POM121: variants seen among roughly 807,000 people sequenced by gnomAD.
POM121 encodes the protein nuclear envelope pore membrane protein POM 121.
In POM121, 32 loss-of-function variants were observed where a neutral mutation model predicts 81.3. The observed-to-expected ratio is 0.39, with a 90% CI of 0.30 to 0.53. The LOEUF (loss-of-function observed/expected upper bound fraction) is 0.53. Among genes scored for constraint, POM121 ranks in the 20% least tolerant of loss-of-function variants. The pLI, the probability that POM121 is intolerant of heterozygous loss-of-function variation, is 0.66. For synonymous variants in POM121, 514 were observed against 694.2 expected (o/e 0.74, Z 4.08); for missense variants, 1,138 against 1,614.6 (o/e 0.70, Z 5.06).
rs1563154370 is a variant in POM121 at position 72,925,400 on chromosome 7, C to G, written c.279C>G (p.Ser93=). Residue 93 remains serine (S), a synonymous_variant, in exon 1 of 13, where the codon TCC becomes TCG. Coordinates refer to ENST00000434423, the MANE Select transcript of POM121 (RefSeq NM_001387691.1). ...AGGCGCGTCATCGGCGCCCCTTGTCCTCCTTCGTTCGGAAGGCGCGTCATC... is the reference window on the plus strand; with the variant it reads ...AGGCGCGTCATCGGCGCCCCTTGTCGTCCTTCGTTCGGAAGGCGCGTCATC... ...VRKARHRRPL[S]SFVRKARHRR... 2 of 1,533,858 alleles carry G rather than the reference C, an allele frequency of 1.3e-6. No homozygotes were observed. Among genetic ancestry groups the G allele is most frequent in the Non-Finnish European group, 8.7e-7 (1 of 1,146,560 alleles).
At chr7:72,919,313 G>C (rs1388399208) in intron 4 of POM121, among the ~76,000 whole-genome samples, 1 of 150,508 alleles carries the variant, frequency 6.6e-6, no homozygotes, top group Non-Finnish European at 1.5e-5. Context: ...ATTTTAAAGA[G>C]ATTTAAAAAG....
At chr7:72,945,440 C>T (rs1313850310) in intron 11 of POM121, 146 bp from the exon 12 acceptor site, 2 of 704,864 alleles carry the variant, frequency 2.8e-6, no homozygotes, top group African/African-American at 1.8e-5. Context: ...TTGTCTGGCT[C>T]AGCTGCTGAT....
At chr7:72,916,215 T>C (rs1464855304) in intron 4 of POM121, among the ~76,000 whole-genome samples, 1 of 152,240 alleles carries the variant, frequency 6.6e-6, no homozygotes, top group Admixed American at 6.5e-5. Flanking sequence ...TTGCAATTGC[T>C]TTTGGTGTTT....
intron 5 of POM121, 23 bp downstream of exon 5, chr7:72,930,134 G>A (rs1795869961): frequency 6.3e-7 from 1 of 1,583,628 alleles, no homozygotes; most frequent in East Asian, 2.3e-5. Flanking sequence ...CTCTTTTAAT[G>A]TGGGGGACAT....
At chr7:72,898,979 C>CTTTTTTTTTTTTTTTTTTTTTTTT (rs1176371162) in intron 3 of POM121, among the ~76,000 whole-genome samples, 1 of 34,096 alleles carries the variant, frequency 2.9e-5, no homozygotes, top group Non-Finnish European at 4.9e-5. Flanking sequence ...CTTTTCTTTT[C>CTTTTTTTTTTTTTTTTTTTTTTTT]TTTTTTTTTT....
upstream of POM121, chr7:72,925,073 C>CGCGGT (rs1795227097): frequency 7.4e-7 from 1 of 1,359,304 alleles, no homozygotes; most frequent in Non-Finnish European, 9.4e-7. Flanking sequence ...CGACGCGCGG[C>CGCGGT]GCGGTGCACG....
intron 3 of POM121, among the ~76,000 whole-genome samples, chr7:72,910,799 T>A (rs1586114561): frequency 6.6e-6 from 1 of 151,322 alleles, no homozygotes; most frequent in East Asian, 1.9e-4. Context: ...TTTGCGGGGG[T>A]TAGGGGATGA....
At chr7:72,933,836 T>TA (rs1299936821) in intron 5 of POM121, among the ~76,000 whole-genome samples, 1 of 152,248 alleles carries the variant, frequency 6.6e-6, no homozygotes, top group Non-Finnish European at 1.5e-5. Context: ...CTGAATAACT[T>TA]ACAGTATTGG....
intron 3 of POM121, chr7:72,891,239 T>C (rs11763328): frequency 6.1e-5 from 32 of 526,048 alleles, no homozygotes; most frequent in African/African-American, 4.7e-4. Context: ...CTTTCCTTCC[T>C]GCACACATAC....
intron 6 of POM121, 63 bp downstream of exon 6, chr7:72,938,744 G>A: frequency 6.4e-7 from 1 of 1,551,910 alleles, no homozygotes; most frequent in Non-Finnish European, 8.9e-7. Flanking sequence ...AGGAAAGGTG[G>A]GAAACGAACC....
chr7:72,893,757 G>A (rs1175027283), intron 3 of POM121, among the ~76,000 whole-genome samples: 2 of 152,104 alleles, frequency 1.3e-5, no homozygotes, highest in African/African-American at 2.4e-5. Context: ...GTCAGCAAGC[G>A]CTCTGGCAGG....
chr7:72,929,885 A>C lies in POM121; in HGVS notation c.1104-55A>C, dbSNP rs1424195674. The C allele has an allele frequency of 1.0e-4, 153 of 1,504,086 alleles. 1 individual carries two copies. Among genetic ancestry groups the C allele is most frequent in the Non-Finnish European group, 2.8e-5 (31 of 1,118,856 alleles). 93.2% of individuals were successfully genotyped at this position (1,504,086 alleles called of 1,614,324 possible). A position where few individuals can be genotyped will look rare whatever the true frequency, so the allele number is the denominator to read the frequency against. On this transcript the variant is annotated intron_variant, in intron 4 of 12. Transcript: ENST00000434423. ...GAAAGATGTCATGACCGTGGATGAAATCGTAAAAGAATTTTGCCTTCAATA... is the reference window on the plus strand; with the variant it reads ...GAAAGATGTCATGACCGTGGATGAACTCGTAAAAGAATTTTGCCTTCAATA...
intron 3 of POM121, among the ~76,000 whole-genome samples, chr7:72,904,342 T>A (rs1169224492): frequency 6.6e-6 from 1 of 152,344 alleles, no homozygotes; most frequent in Admixed American, 6.5e-5. Context: ...GCCTCTAGTT[T>A]GCCTCAACTG....
Position 72,938,656 on chromosome 7 carries a change from C to T in POM121, c.1342C>T (p.Pro448Ser). 1.2e-6 allele frequency: 2 copies of T among 1,613,876 alleles called. No individual in the cohort carries two copies. Among genetic ancestry groups the T allele is most frequent in the Non-Finnish European group, 1.7e-6 (2 of 1,179,808 alleles). ...SSPASSRSQT[P>S]ERPAKKIREE... ...CCCAGCCTCCTCCCGCTCCCAGACA[C>T]CGGAGAGGCCAGCAAAGAAAATAAG... The change falls in exon 6 of 13, where the codon CCG becomes TCG. Residue 448 changes from proline to serine, a missense_variant. Coordinates refer to ENST00000434423, the MANE Select transcript of POM121 (RefSeq NM_001387691.1).
At chr7:72,902,414 C>T (rs541028860) in intron 3 of POM121, among the ~76,000 whole-genome samples, 1 of 150,696 alleles carries the variant, frequency 6.6e-6, no homozygotes, top group Non-Finnish European at 1.5e-5. Flanking sequence ...AGGCACCCAC[C>T]ACCATGCCTG....
At chr7:72,897,498 T>A (rs1792085219) in intron 3 of POM121, among the ~76,000 whole-genome samples, 2 of 152,174 alleles carry the variant, frequency 1.3e-5, no homozygotes, top group African/African-American at 4.8e-5. Flanking sequence ...GGATTGTCTT[T>A]TACTCTGAAT....
intron 4 of POM121, among the ~76,000 whole-genome samples, chr7:72,928,720 G>A (rs1356833806): frequency 2.0e-5 from 3 of 149,130 alleles, no homozygotes; most frequent in East Asian, 2.1e-4. Flanking sequence ...TAATAACCAA[G>A]CACATACACA....
upstream of POM121, among the ~76,000 whole-genome samples, chr7:72,921,739 A>T (rs1554496030): frequency 1.3e-5 from 2 of 152,196 alleles, no homozygotes; most frequent in African/African-American, 2.4e-5. Flanking sequence ...GTCCATGTCT[A>T]CAGTTGTTTA....
At chr7:72,886,339 A>G (rs1554490057) in intron 1 of POM121, among the ~76,000 whole-genome samples, 1 of 151,840 alleles carries the variant, frequency 6.6e-6, no homozygotes, top group East Asian at 1.9e-4. Context: ...ACGCCCGGCT[A>G]ATTTTTGTAT....
Sources: gnomAD v4.1 joint callset for allele counts (sites outside exome capture counted in the v4.1 genomes callset) on GRCh38, gnomAD v4.1.1 for gene constraint, MANE v1.5 for transcripts, NCBI Gene and HGNC (gene_info 2026-07-23, HGNC 2026-07-21) for gene names.